Variants in ADAP1 observed in about 807,000 individuals in gnomAD.
ADAP1 encodes ArfGAP with dual PH domains 1, also known as arf-GAP with dual PH domain-containing protein 1.
A neutral mutation model predicts 54.9 loss-of-function variants in ADAP1; 31 were observed. That is an observed-to-expected ratio of 0.56 (90% CI 0.42 to 0.76). The LOEUF is 0.76. Ranked by LOEUF, ADAP1 falls within the 30% of genes least tolerant of loss-of-function variation. ADAP1 has a pLI of 0.00. For synonymous variants in ADAP1, 313 were observed against 202.6 expected (o/e 1.55, Z -4.63); for missense variants, 535 against 512.4 (o/e 1.04, Z -0.42).
chr7:911,170 G>A (rs1845707042), intron 4 of ADAP1, among the ~76,000 whole-genome samples: 4 of 152,214 alleles, frequency 2.6e-5, no homozygotes, highest in Admixed American at 2.6e-4. Context: ...AAACAGCCAG[G>A]ACAGGGAGGC....
intron 1 of ADAP1, among the ~76,000 whole-genome samples, chr7:948,799 C>A (rs148816515): frequency 2.6e-5 from 4 of 152,130 alleles, no homozygotes; most frequent in Non-Finnish European, 5.9e-5. Context: ...CAGGTTCGAG[C>A]GATTCTCCCA....
rs893981060 is a variant in ADAP1 at position 946,362 on chromosome 7, T to C, written c.82+8034A>G. ...GCCCCAGGCCCCCACCCCCTCACGC[T>C]CACGGGCGGCCCTGGTCCCATTCCA... is the stretch of plus-strand genomic sequence containing the variant. On this transcript the variant is annotated intron_variant, in intron 1 of 10. Coordinates refer to ENST00000265846, the MANE Select transcript of ADAP1 (RefSeq NM_006869.4). The surrounding 1 kb of genome is among the most constrained non-coding windows in gnomAD (Gnocchi z 4.3). 2.0e-5 allele frequency among the ~76,000 whole-genome samples: 3 copies of C among 151,598 alleles called. No individual in the cohort carries two copies. The highest frequency in any genetic ancestry group is 7.3e-5 in the African/African-American group (3 of 41,158).
intron 3 of ADAP1, among the ~76,000 whole-genome samples, chr7:925,954 C>T (rs11974477): frequency 0.025 from 3,821 of 152,246 alleles, 146 homozygotes; most frequent in African/African-American, 0.087. Flanking sequence ...ACGAGGGGGT[C>T]GGTGCGAACA....
intron 2 of ADAP1, among the ~76,000 whole-genome samples, chr7:928,630 A>C (rs548674497): frequency 1.7e-4 from 26 of 152,222 alleles, no homozygotes; most frequent in Non-Finnish European, 2.8e-4. Context: ...GTTAGCTGTC[A>C]GGGGAACGCA....
intron 4 of ADAP1, among the ~76,000 whole-genome samples, chr7:905,883 A>AGAAGGGAGAAGGGAGAAAGG (rs1562913155): frequency 3.5e-4 from 3 of 8,620 alleles, no homozygotes; most frequent in Admixed American, 9.4e-4. Context: ...GGGAGAAAGG[A>AGAAGGGAGAAGGGAGAAAGG]GAAAGGAGAA....
chr7:931,983 G>T (rs528629255), intron 2 of ADAP1, among the ~76,000 whole-genome samples: 1 of 152,130 alleles, frequency 6.6e-6, no homozygotes, highest in Admixed American at 6.5e-5. Context: ...GCCAGGGGGG[G>T]CCCAGTGCAG....
chr7:912,687 G>A (rs751684975), intron 4 of ADAP1, among the ~76,000 whole-genome samples: 4 of 152,188 alleles, frequency 2.6e-5, no homozygotes, highest in Admixed American at 6.5e-5. Context: ...AGGTGTTTCC[G>A]CTTCCCTCAC....
chr7:905,648 G>GAGAAAGGAGAAAGGAGAAGGAGAAAGGA (rs141647614), intron 4 of ADAP1: 1 of 29,348 alleles, frequency 3.4e-5, no homozygotes, highest in Non-Finnish European at 6.1e-5. Context: ...AAGGAGAAAG[G>GAGAAAGGAGAAAGGAGAAGGAGAAAGGA]GAAAGGAGAA....
intron 6 of ADAP1, 160 bp from the exon 7 acceptor site, chr7:900,776 C>A: frequency 1.5e-6 from 1 of 681,100 alleles, no homozygotes; most frequent in South Asian, 1.8e-5. Flanking sequence ...GCAGGCCTGG[C>A]CCCTGTGCCC....
intron 2 of ADAP1, among the ~76,000 whole-genome samples, chr7:934,554 C>T (rs1224841539): frequency 6.6e-6 from 1 of 152,130 alleles, no homozygotes; most frequent in Non-Finnish European, 1.5e-5. Flanking sequence ...CAATGGCTTC[C>T]AGACCCCAAG....
chr7:925,626 C>A (rs1274797008), intron 3 of ADAP1, among the ~76,000 whole-genome samples: 1 of 152,262 alleles, frequency 6.6e-6, no homozygotes, highest in East Asian at 1.9e-4. Context: ...GCAGTCCCCA[C>A]CAGCAGCTCC....
intron 1 of ADAP1, among the ~76,000 whole-genome samples, chr7:937,149 C>G (rs200414049): frequency 1.3e-4 from 12 of 95,050 alleles, no homozygotes; most frequent in East Asian, 4.3e-4. Context: ...GGGTCACGCC[C>G]GGCCTCTGGG....
chr7:928,918 G>T (rs10240265), intron 2 of ADAP1, among the ~76,000 whole-genome samples: 12,902 of 152,304 alleles, frequency 0.085, 721 homozygotes, highest in East Asian at 0.3. Context: ...GCTGAGAACG[G>T]GAACAAGCCC....
chr7:915,171 G>C (rs567430103), intron 4 of ADAP1, among the ~76,000 whole-genome samples: 2 of 72,460 alleles, frequency 2.8e-5, no homozygotes, highest in East Asian at 1.3e-3. Context: ...CCTGCTGCCA[G>C]GTAACACCTG....
intron 4 of ADAP1, among the ~76,000 whole-genome samples, chr7:911,630 C>T (rs1417725705): frequency 1.1e-4 from 6 of 54,250 alleles, no homozygotes; most frequent in Non-Finnish European, 2.4e-4. Context: ...AGGAAGGGGG[C>T]GGGGGTCCCA....
Position 905,017 on chromosome 7 carries a change from C to T in ADAP1, c.501+43G>A, listed in dbSNP as rs61186351. 3.9e-3 allele frequency: 6,166 copies of T among 1,567,314 alleles called. 132 individuals carry two copies. In the African/African-American group the frequency reaches 0.053, roughly 13 times the overall value. On this transcript the variant is annotated intron_variant, in intron 5 of 10. Transcript: ENST00000265846. ...GCCCCAGTGTGGGAGGCCGGGATGC[C>T]GCCCTGGGACAGGCCCCCACCCCAC...
intron 2 of ADAP1, among the ~76,000 whole-genome samples, chr7:933,832 G>A (rs1375805262): frequency 4.6e-5 from 2 of 43,868 alleles, no homozygotes; most frequent in African/African-American, 1.9e-4. Context: ...GCCGGGGACC[G>A]GGGTCAGTGG....
intron 4 of ADAP1, among the ~76,000 whole-genome samples, chr7:906,791 C>CATGGGGGACG (rs60095382): frequency 3.5e-5 from 1 of 28,686 alleles, no homozygotes; most frequent in African/African-American, 9.4e-5. Flanking sequence ...ACACGGGGGA[C>CATGGGGGACG]GGGACAGGGG....
At chr7:906,077 AG>A (rs1358045844) in intron 4 of ADAP1, among the ~76,000 whole-genome samples, 6 of 12,126 alleles carry the variant, frequency 4.9e-4, no homozygotes, top group South Asian at 3.8e-3. Context: ...GAAAGGAGAA[AG>A]GGAAAGGAGA....
Sources: allele counts gnomAD v4.1 joint callset (sites outside exome capture counted in the v4.1 genomes callset), GRCh38; gene constraint gnomAD v4.1.1; non-coding constraint Gnocchi (gnomAD v3.1); transcripts MANE v1.5; gene names NCBI Gene and HGNC (gene_info 2026-07-23, HGNC 2026-07-21).